The following JRK variants were observed in gnomAD, a reference collection of about 807,000 sequenced individuals.
JRK encodes the protein Jrk helix-turn-helix protein, also known as jerky protein homolog.
For synonymous variants in JRK, 303 were observed against 218.1 expected, an observed-to-expected ratio of 1.39 and a Z score of -3.43; for missense variants, 720 against 509.2, an observed-to-expected ratio of 1.41 and a Z score of -3.98.
Position 142,664,900 on chromosome 8 carries a change from G to A in JRK, c.1159C>T (p.Pro387Ser). The change falls in exon 2 of 2, where the codon CCG becomes TCG. Residue 387 changes from proline to serine, a missense_variant. Coordinates refer to ENST00000612905, the MANE Select transcript of JRK (RefSeq NM_003724.4). ...VFRRAWRKLW[P>S]SVAFAEGSSS... Reference sequence around the variant, plus strand: ...GAGCCTTCGGCAAACGCAACCGACGGCCACAGCTTCCTCCAGGCCCGCCTG... The same window carrying A: ...GAGCCTTCGGCAAACGCAACCGACGACCACAGCTTCCTCCAGGCCCGCCTG... The A allele has an allele frequency of 8.8e-7, 1 of 1,137,866 alleles. No homozygotes were observed. Among genetic ancestry groups the A allele is most frequent in the Non-Finnish European group, 1.3e-6 (1 of 749,642 alleles). 70.5% of individuals were successfully genotyped at this position (1,137,866 alleles called of 1,614,324 possible).
chr8:142,666,927 C>T (rs1403493774), intron 1 of JRK, among the ~76,000 whole-genome samples: 1 of 151,782 alleles, frequency 6.6e-6, no homozygotes, highest in Non-Finnish European at 1.5e-5. Flanking sequence ...TGTAACTGCT[C>T]GCTGGGCTAC....
chr8:142,658,758 G>T lies in JRK; in HGVS notation c.*5594C>A. The T allele has an allele frequency of 6.6e-7, 1 of 1,512,864 alleles. No individual in the cohort carries two copies. Among genetic ancestry groups the T allele is most frequent in the Non-Finnish European group, 8.9e-7 (1 of 1,126,800 alleles). The allele number at this position is 1,512,864 out of a possible 1,614,324, so 93.7% of individuals were successfully genotyped here. A position where few individuals can be genotyped will look rare whatever the true frequency, so the allele number is the denominator to read the frequency against. ...TCCTTAACACCATCGTCATGGAGATGGAGGCCACAGACCTACCAACACCCA... is the reference window on the plus strand; with the variant it reads ...TCCTTAACACCATCGTCATGGAGATTGAGGCCACAGACCTACCAACACCCA... On this transcript the variant is annotated 3_prime_UTR_variant, in exon 2 of 2. Transcript: ENST00000612905.
rs374745845 is a variant in JRK, at chr8:142,665,385, G to A, written c.674C>T (p.Thr225Met). ...RLTVLMCANA[T>M]GSHRLKPLAI... ...CAAGGGCTTGAGCCTGTGGGAGCCC[G>A]TGGCGTTGGCACACATCAGCACGGT... is the stretch of plus-strand genomic sequence containing the variant. The change falls in exon 2 of 2, where the codon ACG (threonine) becomes ATG (methionine). Residue 225 changes from threonine (T) to methionine (M), a missense_variant. Physicochemically the swap from Thr to Met is moderately conservative, Grantham distance 81. Coordinates refer to ENST00000612905, the MANE Select transcript of JRK (RefSeq NM_003724.4). 1.8e-5 allele frequency: 13 copies of A among 717,638 alleles called. No individual in the cohort carries two copies. The highest frequency in any genetic ancestry group is 4.6e-4 in the Middle Eastern group (2 of 4,372). 44.5% of individuals were successfully genotyped at this position (717,638 alleles called of 1,614,324 possible).
Position 142,660,457 on chromosome 8 carries a change from G to A in JRK, c.*3895C>T, listed in dbSNP as rs1026718034. The A allele has an allele frequency of 1.6e-5, 16 of 971,034 alleles. No individual in the cohort carries two copies. The East Asian group carries it at 5.7e-4, about 35-fold the overall frequency. The allele number at this position is 971,034 out of a possible 1,614,324, so 60.2% of individuals were successfully genotyped here. A position where few individuals can be genotyped will look rare whatever the true frequency, so the allele number is the denominator to read the frequency against. ...CTCTCACTCTGTCACCCAGGCTGGA[G>A]TGCAGAGGCCATAACTCACTGCAGC... is the stretch of plus-strand genomic sequence containing the variant. On this transcript the variant is annotated 3_prime_UTR_variant, in exon 2 of 2. Transcript: ENST00000612905.
the JRK span, among the ~76,000 whole-genome samples, chr8:142,646,399 A>C: frequency 2.6e-5 from 4 of 152,204 alleles, no homozygotes; most frequent in Non-Finnish European, 4.4e-5. Flanking sequence ...ACAAGATTAG[A>C]AGTTAATGGT....
Position 142,665,135 on chromosome 8 carries a change from G to T in JRK, c.924C>A (p.Ala308=). 3 of 717,878 alleles carry T rather than the reference G, an allele frequency of 4.2e-6. No individual in the cohort carries two copies. The highest frequency in any genetic ancestry group is 7.8e-6 in the Non-Finnish European group (3 of 385,102). The allele number at this position is 717,878 out of a possible 1,614,324, so 44.5% of individuals were successfully genotyped here. ...LDSSRAHPQE[A]ELVSSNVFTI... Reference sequence around the variant, plus strand: ...TGAAAACGTTACTGGACACCAGCTCGGCCTCCTGCGGGTGAGCCCGGGAGC... The same window carrying T: ...TGAAAACGTTACTGGACACCAGCTCTGCCTCCTGCGGGTGAGCCCGGGAGC... Residue 308 remains alanine, a synonymous_variant, in exon 2 of 2, where the codon GCC becomes GCA. Transcript: ENST00000612905.
chr8:142,649,367 G>A, the JRK span, among the ~76,000 whole-genome samples: 4 of 152,308 alleles, frequency 2.6e-5, no homozygotes, highest in African/African-American at 9.6e-5. Context: ...CCAGTGGGAG[G>A]TAATTGTATC....
Position 142,660,270 on chromosome 8 carries a change from GC to G in JRK, c.*4081del, listed in dbSNP as rs1846874675. 2.0e-6 allele frequency: 2 copies of G among 985,758 alleles called. No homozygotes were observed. The highest frequency in any genetic ancestry group is 3.5e-5 in the African/African-American group (2 of 57,322). The allele number at this position is 985,758 out of a possible 1,614,324, so 61.1% of individuals were successfully genotyped here. A position where few individuals can be genotyped will look rare whatever the true frequency, so the allele number is the denominator to read the frequency against. ...GCAGAAGTGCAGAAGCCCTGCCCAG[GC>G]CCTGCCTCCCAGGCCACCACCCACC... On this transcript the variant is annotated 3_prime_UTR_variant, in exon 2 of 2. Transcript: ENST00000612905.
chr8:142,659,221 A>C lies in JRK; in HGVS notation c.*5131T>G. The C allele has an allele frequency of 8.7e-7, 1 of 1,146,322 alleles. No homozygotes were observed. The highest frequency in any genetic ancestry group is 1.1e-6 in the Non-Finnish European group (1 of 928,628). 71.0% of individuals were successfully genotyped at this position (1,146,322 alleles called of 1,614,324 possible). ...CTTTCACACACATCAGAAATAGGGA[A>C]CCCAAGACCTCGAGAGAGGAAATGG... is the stretch of plus-strand genomic sequence containing the variant. On this transcript the variant is annotated 3_prime_UTR_variant, in exon 2 of 2. Coordinates refer to ENST00000612905, the MANE Select transcript of JRK (RefSeq NM_003724.4).
At position 142,665,721 on chromosome 8, in the gene JRK, A is replaced by G. The variant is rs1462963060; in HGVS notation, c.338T>C (p.Ile113Thr). The G allele has an allele frequency of 2.6e-6, 2 of 766,430 alleles. No individual in the cohort carries two copies. The highest frequency in any genetic ancestry group is 4.9e-6 in the Non-Finnish European group (2 of 411,670). 47.5% of individuals were successfully genotyped at this position (766,430 alleles called of 1,614,324 possible). A position where few individuals can be genotyped will look rare whatever the true frequency, so the allele number is the denominator to read the frequency against. ...CTCGTAGAAGTCCTTGGCCTTCTCG[A>G]TGAGCATGGGGCCTGACACGGGGAC... ...EGVPVSGPML[I>T]EKAKDFYEQM... The change falls in exon 2 of 2, where the codon ATC (isoleucine) becomes ACC (threonine). Residue 113 changes from isoleucine to threonine, a missense_variant. Coordinates refer to ENST00000612905, the MANE Select transcript of JRK (RefSeq NM_003724.4).
chr8:142,666,681 G>A (rs1239928240), intron 1 of JRK, among the ~76,000 whole-genome samples, 161 bp from the exon 2 acceptor site: 3 of 152,176 alleles, frequency 2.0e-5, no homozygotes, highest in Admixed American at 6.5e-5. Flanking sequence ...GGGTGGCCCC[G>A]GGAGCAGCCC....
chr8:142,669,925 T>G lies in JRK; in HGVS notation c.-463+7A>C, dbSNP rs1847275552. 1.3e-5 allele frequency: 2 copies of G among 153,202 alleles called. No individual in the cohort carries two copies. The highest frequency in any genetic ancestry group is 4.8e-5 in the African/African-American group (2 of 41,506). 9.5% of individuals were successfully genotyped at this position (153,202 alleles called of 1,614,324 possible). On this transcript the variant is annotated splice_region_variant and intron_variant, in intron 1 of 1. Coordinates refer to ENST00000612905, the MANE Select transcript of JRK (RefSeq NM_003724.4). Reference sequence around the variant, plus strand: ...CGCCCAGCGCCTCAGGCCAGGACCCTACTCACCCTGCTCACCCGGAGCAGC... The same window carrying G: ...CGCCCAGCGCCTCAGGCCAGGACCCGACTCACCCTGCTCACCCGGAGCAGC...
At chr8:142,654,030 T>G (rs781909959), downstream of JRK, among the ~76,000 whole-genome samples, 1 of 152,148 alleles carries the variant, frequency 6.6e-6, no homozygotes, top group Non-Finnish European at 1.5e-5. Flanking sequence ...GCAGTTACAG[T>G]AGGGCTGACT....
chr8:142,668,397 A>C (rs1371861732), intron 1 of JRK, among the ~76,000 whole-genome samples: 4 of 152,024 alleles, frequency 2.6e-5, no homozygotes, highest in Admixed American at 2.6e-4. Context: ...TCCCTTAAGG[A>C]TCCTGCATTG....
downstream of JRK, among the ~76,000 whole-genome samples, chr8:142,656,119 C>T (rs782298784): frequency 3.3e-5 from 5 of 152,182 alleles, no homozygotes; most frequent in East Asian, 1.9e-4. Flanking sequence ...CCTTTTTCCC[C>T]AGTGTATAGG....
rs868975081 is a variant in JRK at position 142,659,068 on chromosome 8, C to A, written c.*5284G>T. The A allele has an allele frequency of 2.1e-6, 3 of 1,424,110 alleles. No individual in the cohort carries two copies. The highest frequency in any genetic ancestry group is 2.8e-6 in the Non-Finnish European group (3 of 1,086,734). The allele number at this position is 1,424,110 out of a possible 1,614,324, so 88.2% of individuals were successfully genotyped here. ...AGAATGGATTCCTAGTGTATTTTTT[C>A]TCTTCAGAACTGACAGCCCATCAAG... On this transcript the variant is annotated 3_prime_UTR_variant, in exon 2 of 2. Transcript: ENST00000612905.
At chr8:142,667,659 G>A (rs946847373) in intron 1 of JRK, among the ~76,000 whole-genome samples, 10 of 152,204 alleles carry the variant, frequency 6.6e-5, no homozygotes, top group African/African-American at 2.4e-4. Context: ...GGCCAGCTGT[G>A]CACCCTACGA....
At chr8:142,657,033 G>A (rs1399942814), downstream of JRK, among the ~76,000 whole-genome samples, 2 of 152,202 alleles carry the variant, frequency 1.3e-5, no homozygotes, top group African/African-American at 4.8e-5. Flanking sequence ...AACTCCTCTA[G>A]TGAAGTCACT....
rs1325008295 is a variant in JRK at position 142,661,845 on chromosome 8, G to C, written c.*2507C>G. 1.0e-6 allele frequency: 1 copy of C among 985,540 alleles called. No homozygotes were observed. The highest frequency in any genetic ancestry group is 1.2e-6 in the Non-Finnish European group (1 of 830,030). 61.0% of individuals were successfully genotyped at this position (985,540 alleles called of 1,614,324 possible). On this transcript the variant is annotated 3_prime_UTR_variant, in exon 2 of 2. Transcript: ENST00000612905. Reference sequence around the variant, plus strand: ...CACTTGAGCTTCTGAGACGGGTCAGGAAGTGAAAACAAAGTGCTCGGAGGA... The same window carrying C: ...CACTTGAGCTTCTGAGACGGGTCAGCAAGTGAAAACAAAGTGCTCGGAGGA...
Sources: allele counts gnomAD v4.1 joint callset (sites outside exome capture counted in the v4.1 genomes callset), GRCh38; gene constraint gnomAD v4.1.1; transcripts MANE v1.5; gene names NCBI Gene and HGNC (gene_info 2026-07-23, HGNC 2026-07-21).